The following SLC13A5 variants were observed in gnomAD, a reference collection of about 807,000 sequenced individuals.
The protein encoded by SLC13A5 is solute carrier family 13 member 5, also known as Na(+)/citrate cotransporter.
A neutral mutation model predicts 56.5 loss-of-function variants in SLC13A5; 25 were observed. That is an observed-to-expected ratio of 0.44 (90% CI 0.32 to 0.62). The LOEUF (loss-of-function observed/expected upper bound fraction) is 0.62, where lower values mean the gene tolerates loss of function less well. Ranked by LOEUF, SLC13A5 falls within the 20% of genes least tolerant of loss-of-function variation. SLC13A5 has a pLI of 0.04. For synonymous variants in SLC13A5, 307 were observed against 301.5 expected (o/e 1.02, Z -0.19); for missense variants, 649 against 737.8 (o/e 0.88, Z 1.39).
Position 6,695,901 on chromosome 17 carries a change from T to A in SLC13A5, c.880A>T (p.Asn294Tyr). The A allele has an allele frequency of 6.2e-7, 1 of 1,614,050 alleles. No homozygotes were observed. The highest frequency in any genetic ancestry group is 8.5e-7 in the Non-Finnish European group (1 of 1,180,014). The change falls in exon 7 of 12, where the codon AAC becomes TAC. Residue 294 changes from asparagine (N) to tyrosine (Y), a missense_variant. Transcript: ENST00000433363. ...SWGCGLESKKNEKAALKVLQE... is the reference protein window; with the variant it reads ...SWGCGLESKKYEKAALKVLQE... ...AGCACCTTGAGGGCAGCCTTCTCGT[T>A]TTTCTTGCTCTCTAGCCCGCAGCCC...
chr17:6,701,687 G>A lies in SLC13A5; in HGVS notation c.717-561C>T, dbSNP rs1298385555. On this transcript the variant is annotated intron_variant, in intron 5 of 11. Transcript: ENST00000433363. The surrounding 1 kb of genome is among the most constrained non-coding windows in gnomAD (Gnocchi z 4.1). ...ATCGCGCCACTGCACTCCAGCCTGG[G>A]CGACAGAGCGAGACTTGTCTCAAAA... is the stretch of plus-strand genomic sequence containing the variant. 1.3e-5 allele frequency among the ~76,000 whole-genome samples: 2 copies of A among 152,324 alleles called. No individual in the cohort carries two copies. The highest frequency in any genetic ancestry group is 2.9e-5 in the Non-Finnish European group (2 of 68,040).
intron 3 of SLC13A5, 171 bp from the exon 4 acceptor site, chr17:6,704,227 C>T (rs1223079075): frequency 1.4e-6 from 1 of 740,682 alleles, no homozygotes; most frequent in South Asian, 1.5e-5. Context: ...CCCTCCCTCC[C>T]TCCTTCCCTT....
intron 9 of SLC13A5, among the ~76,000 whole-genome samples, chr17:6,691,153 A>T (rs1399901411): frequency 6.6e-6 from 1 of 152,148 alleles, no homozygotes; most frequent in Admixed American, 6.5e-5. Context: ...GGATTTACAT[A>T]CCCATATGCC....
At chr17:6,700,925 T>C (rs1973694233) in intron 6 of SLC13A5, 79 bp downstream of exon 6, 3 of 1,592,134 alleles carry the variant, frequency 1.9e-6, no homozygotes, top group Non-Finnish European at 2.6e-6. Flanking sequence ...TTTGTAAACC[T>C]GCCTATTGAG....
chr17:6,701,102 G>A lies in SLC13A5; in HGVS notation c.741C>T (p.Leu247=), dbSNP rs138520827. ...MNELFPDSKD[L]VNFASWFAFA... Reference sequence around the variant, plus strand: ...ATGCAAACCAGGAAGCAAAGTTCACGAGGTCCTTGCTGTCAGGAAACAACC... The same window carrying A: ...ATGCAAACCAGGAAGCAAAGTTCACAAGGTCCTTGCTGTCAGGAAACAACC... Residue 247 remains leucine (L), a synonymous_variant, in exon 6 of 12, where the codon CTC becomes CTT. Transcript: ENST00000433363. This position sits in a 1 kb window ranked among gnomAD's most constrained non-coding sequence, Gnocchi z 4.1. The A allele has an allele frequency of 4.9e-5, 79 of 1,613,966 alleles. No homozygotes were observed. In the Admixed American group the frequency reaches 7.5e-4, roughly 15 times the overall value.
chr17:6,700,446 C>T (rs1973680045), intron 6 of SLC13A5, among the ~76,000 whole-genome samples: 1 of 152,246 alleles, frequency 6.6e-6, no homozygotes, highest in African/African-American at 2.4e-5. Context: ...AGCGTATGCG[C>T]TCAGCTCAGA....
rs1347661059 is a variant in SLC13A5, at chr17:6,711,202, C to T, written c.102+2030G>A. 6.6e-6 allele frequency among the ~76,000 whole-genome samples: 1 copy of T among 152,008 alleles called. No individual in the cohort carries two copies. Among genetic ancestry groups the T allele is most frequent in the Admixed American group, 6.6e-5 (1 of 15,260 alleles). On this transcript the variant is annotated intron_variant, in intron 1 of 11. Transcript: ENST00000433363. This position sits in a 1 kb window ranked among gnomAD's most constrained non-coding sequence, Gnocchi z 4.0. ...CCAGCTGCCCTGCCCGTGCTGTGTA[C>T]CCTCTGGGTTTCCTTGCACAATGGG...
In SLC13A5 at chr17:6,686,545, G is replaced by A. The variant is rs1973257450; in HGVS notation, c.1576-207C>T. On this transcript the variant is annotated intron_variant, in intron 11 of 11. Coordinates refer to ENST00000433363, the MANE Select transcript of SLC13A5 (RefSeq NM_177550.5). The stretch of plus-strand genomic sequence containing the variant: ...GCATCCCTGGGAAGTAGGCAGAGTG[G>A]ATGGGTTCTCTATGCCCGTGCGCAT... 14 of 583,788 alleles carry A rather than the reference G, an allele frequency of 2.4e-5. No homozygotes were observed. In the South Asian group the frequency reaches 2.8e-4, roughly 12 times the overall value. 36.2% of individuals were successfully genotyped at this position (583,788 alleles called of 1,614,324 possible).
At chr17:6,705,640 C>G (rs1973846188) in intron 3 of SLC13A5, 1 of 152,308 alleles carries the variant, frequency 6.6e-6, no homozygotes, top group South Asian at 2.1e-4. Flanking sequence ...ATCTGAGGCA[C>G]CAAGGGAGCC....
chr17:6,702,777 T>C (rs1470019589), intron 5 of SLC13A5, among the ~76,000 whole-genome samples, 193 bp downstream of exon 5: 5 of 149,644 alleles, frequency 3.3e-5, no homozygotes, highest in Non-Finnish European at 7.4e-5. Context: ...CTAAGGCTTC[T>C]GTGTGGGCAC....
At chr17:6,710,479 G>A (rs535569359) in intron 1 of SLC13A5, among the ~76,000 whole-genome samples, 8 of 152,234 alleles carry the variant, frequency 5.3e-5, no homozygotes, top group South Asian at 2.1e-4. Flanking sequence ...AGTAGGTGGC[G>A]TGCGTCACCA....
At chr17:6,704,536 C>T in intron 3 of SLC13A5, 1 of 317,472 alleles carries the variant, frequency 3.1e-6, no homozygotes, top group Non-Finnish European at 6.3e-6. Context: ...TTCAGAAGGG[C>T]TAAGCAGAGT....
rs1973271844 is a variant in SLC13A5, at chr17:6,687,141, G to A, written c.1575+388C>T. ...TTCAGGCACCCCTACAAATCTCTGT[G>A]ACTGTCATTAGCATCCCCCTGCTGC... On this transcript the variant is annotated intron_variant, in intron 11 of 11. Coordinates refer to ENST00000433363, the MANE Select transcript of SLC13A5 (RefSeq NM_177550.5). The surrounding 1 kb of genome is among the most constrained non-coding windows in gnomAD (Gnocchi z 5.0). 1 of 224,460 alleles carries A rather than the reference G, an allele frequency of 4.5e-6. No homozygotes were observed. Among genetic ancestry groups the A allele is most frequent in the Non-Finnish European group, 8.7e-6 (1 of 114,310 alleles). The allele number at this position is 224,460 out of a possible 1,614,324, so 13.9% of individuals were successfully genotyped here.
intron 1 of SLC13A5, among the ~76,000 whole-genome samples, chr17:6,708,407 G>A (rs926395531): frequency 5.9e-5 from 9 of 152,294 alleles, no homozygotes; most frequent in South Asian, 4.1e-4. Context: ...CAACCAGTGC[G>A]TGACTCGAAA....
intron 3 of SLC13A5, among the ~76,000 whole-genome samples, chr17:6,705,838 G>A (rs1973850743): frequency 1.3e-5 from 2 of 152,216 alleles, no homozygotes; most frequent in Non-Finnish European, 2.9e-5. Context: ...TATGCCCTGA[G>A]TTTCTGATTA....
intron 1 of SLC13A5, among the ~76,000 whole-genome samples, chr17:6,710,336 C>T (rs1410665722): frequency 1.3e-5 from 2 of 152,246 alleles, no homozygotes; most frequent in African/African-American, 4.8e-5. Context: ...AATTACTCCT[C>T]CTGCTCCCAA....
chr17:6,695,453 G>A (rs1259453671), intron 7 of SLC13A5: 5 of 371,912 alleles, frequency 1.3e-5, no homozygotes, highest in East Asian at 1.2e-4. Flanking sequence ...GCAGTGGCAC[G>A]ATCTGGGCTC....
In SLC13A5 at chr17:6,686,020, A is replaced by G; in HGVS notation, c.*187T>C. ...CCCTTCATTTCTGAGCCTACCCTCC[A>G]GCTGCCCATGACCATCTCTGCATCT... On this transcript the variant is annotated 3_prime_UTR_variant, in exon 12 of 12. Transcript: ENST00000433363. 2.5e-6 allele frequency: 2 copies of G among 786,668 alleles called. No homozygotes were observed. The highest frequency in any genetic ancestry group is 5.1e-5 in the East Asian group (2 of 39,310). The allele number at this position is 786,668 out of a possible 1,614,324, so 48.7% of individuals were successfully genotyped here.
intron 10 of SLC13A5, chr17:6,688,845 G>A (rs1290028321): frequency 6.6e-6 from 1 of 152,140 alleles, no homozygotes; most frequent in South Asian, 2.1e-4. Context: ...CTAGGGAGGA[G>A]GCTAGAGGAT....
Sources: allele counts gnomAD v4.1 joint callset (sites outside exome capture counted in the v4.1 genomes callset), GRCh38; gene constraint gnomAD v4.1.1; non-coding constraint Gnocchi (gnomAD v3.1); transcripts MANE v1.5; gene names NCBI Gene and HGNC (gene_info 2026-07-23, HGNC 2026-07-21).